Variants in B3GALT1 observed in about 807,000 individuals in gnomAD.
The protein encoded by B3GALT1 is beta-1,3-galactosyltransferase 1.
A neutral mutation model predicts 23.2 loss-of-function variants in B3GALT1; 10 were observed. The ratio of observed to expected loss-of-function variants is 0.43; its 90% confidence interval spans 0.27 to 0.73. The LOEUF (loss-of-function observed/expected upper bound fraction) is 0.73. Among genes scored for constraint, B3GALT1 ranks in the 30% least tolerant of loss-of-function variants. The probability of loss-of-function intolerance (pLI) is 0.21; values close to 1 mark genes in which losing one functional copy is unlikely to be tolerated. For missense variants in B3GALT1, 299 were observed against 405.4 expected (o/e 0.74, Z 2.25); for synonymous variants, 156 against 141.5 (o/e 1.10, Z -0.73).
chr2:167,568,157 G>T (rs1684210653), intron 2 of B3GALT1, among the ~76,000 whole-genome samples: 2 of 152,058 alleles, frequency 1.3e-5, no homozygotes, highest in African/African-American at 4.8e-5. Flanking sequence ...TTGTTTCCAA[G>T]TTTTGGCAAT....
chr2:167,508,095 C>A (rs1441750371), intron 2 of B3GALT1, among the ~76,000 whole-genome samples: 1 of 152,074 alleles, frequency 6.6e-6, no homozygotes. Context: ...AGACTCCACT[C>A]TCAGAACTCT....
At chr2:167,698,972 A>C (rs1026685963) in intron 3 of B3GALT1, among the ~76,000 whole-genome samples, 7 of 152,250 alleles carry the variant, frequency 4.6e-5, no homozygotes, top group Non-Finnish European at 8.8e-5. Flanking sequence ...AGCCACCTTT[A>C]ATGTTCAGAA....
intron 2 of B3GALT1, among the ~76,000 whole-genome samples, chr2:167,617,284 T>C (rs1685177361): frequency 6.6e-6 from 1 of 152,144 alleles, no homozygotes; most frequent in Admixed American, 6.6e-5. Flanking sequence ...TTCCATCTTT[T>C]TATCTGAAAA....
At chr2:167,588,224 C>T (rs1395742809) in intron 2 of B3GALT1, among the ~76,000 whole-genome samples, 6 of 150,340 alleles carry the variant, frequency 4.0e-5, no homozygotes, top group Admixed American at 6.6e-5. Flanking sequence ...AATGCAAATA[C>T]GTATTTAAAT....
chr2:167,867,112 G>C (rs1164678044), intron 4 of B3GALT1, among the ~76,000 whole-genome samples: 10 of 152,242 alleles, frequency 6.6e-5, no homozygotes, highest in Admixed American at 3.3e-4. Context: ...ATTTTTAGTA[G>C]AGACGGGGTT....
chr2:167,656,355 A>G (rs185496960), intron 3 of B3GALT1, among the ~76,000 whole-genome samples: 7 of 152,318 alleles, frequency 4.6e-5, no homozygotes, highest in African/African-American at 1.7e-4. Context: ...CAAAGAGCAA[A>G]AACAAGCAAA....
chr2:167,852,318 C>T (rs1331600299), intron 4 of B3GALT1, among the ~76,000 whole-genome samples: 3 of 152,092 alleles, frequency 2.0e-5, no homozygotes, highest in Non-Finnish European at 4.4e-5. Flanking sequence ...AATGACCTAC[C>T]ACAACAGCAA....
At chr2:167,367,116 A>C (rs1697600159) in intron 1 of B3GALT1, among the ~76,000 whole-genome samples, 1 of 152,216 alleles carries the variant, frequency 6.6e-6, no homozygotes, top group Non-Finnish European at 1.5e-5. Flanking sequence ...TGAGTTTAGA[A>C]TATTCTGATC....
chr2:167,373,470 C>A (rs1486607255), intron 1 of B3GALT1, among the ~76,000 whole-genome samples: 1 of 151,468 alleles, frequency 6.6e-6, no homozygotes, highest in Non-Finnish European at 1.5e-5. Flanking sequence ...AGTCTAAAGA[C>A]TCAATACATA....
At chr2:167,596,702 A>G (rs1463491951) in intron 2 of B3GALT1, among the ~76,000 whole-genome samples, 1 of 152,216 alleles carries the variant, frequency 6.6e-6, no homozygotes, top group Non-Finnish European at 1.5e-5. Context: ...ATACCCTTAA[A>G]TAATAAAGCA....
intron 3 of B3GALT1, among the ~76,000 whole-genome samples, chr2:167,672,114 C>T (rs1394686153): frequency 6.6e-6 from 1 of 152,024 alleles, no homozygotes; most frequent in Non-Finnish European, 1.5e-5. Flanking sequence ...ATATTCCAAA[C>T]TAAATAATGT....
chr2:167,391,082 G>A (rs1388801625), intron 1 of B3GALT1, among the ~76,000 whole-genome samples: 3 of 152,334 alleles, frequency 2.0e-5, no homozygotes, highest in African/African-American at 7.2e-5. Flanking sequence ...AATGTGGAAA[G>A]TATGTGAAGG....
At chr2:167,461,944 G>T (rs939942598) in intron 1 of B3GALT1, among the ~76,000 whole-genome samples, 1 of 152,094 alleles carries the variant, frequency 6.6e-6, no homozygotes, top group Admixed American at 6.5e-5. Flanking sequence ...ACAACTATTT[G>T]TGTGGGGGCA....
intron 1 of B3GALT1, among the ~76,000 whole-genome samples, chr2:167,454,196 A>AGTGTGTGTGTGTGTGTGTGT (rs35747652): frequency 1.0e-3 from 152 of 152,054 alleles, no homozygotes; most frequent in African/African-American, 3.5e-3. Context: ...ATAACAGGAA[A>AGTGTGTGTGTGTGTGTGTGT]GTGTGTGTGT....
chr2:167,474,959 C>A (rs937161589), intron 1 of B3GALT1, among the ~76,000 whole-genome samples: 7 of 152,034 alleles, frequency 4.6e-5, no homozygotes, highest in African/African-American at 1.7e-4. Flanking sequence ...AATAAATATA[C>A]CTGCTATGCA....
chr2:167,429,294 A>T (rs1290851622), intron 1 of B3GALT1, among the ~76,000 whole-genome samples: 23 of 151,364 alleles, frequency 1.5e-4, no homozygotes, highest in African/African-American at 5.4e-4. Flanking sequence ...AAAAAAAAAA[A>T]AAAAAATAAG....
chr2:167,747,335 A>G (rs572672708), intron 3 of B3GALT1, among the ~76,000 whole-genome samples: 39 of 152,306 alleles, frequency 2.6e-4, no homozygotes, highest in Middle Eastern at 3.4e-3. Context: ...TCAAAATGCA[A>G]ATCCCTCAGG....
chr2:167,419,988 A>G (rs1294718086), intron 1 of B3GALT1, among the ~76,000 whole-genome samples: 2 of 152,226 alleles, frequency 1.3e-5, no homozygotes, highest in African/African-American at 2.4e-5. Context: ...TATTTAAAAC[A>G]TAATTAAATA....
intron 2 of B3GALT1, among the ~76,000 whole-genome samples, chr2:167,516,643 A>G (rs1258411852): frequency 3.3e-5 from 5 of 152,050 alleles, no homozygotes; most frequent in African/African-American, 9.6e-5. Context: ...ATGAGTTAAT[A>G]TAGGTTAAGA....
Sources: allele counts gnomAD v4.1 joint callset (sites outside exome capture counted in the v4.1 genomes callset), GRCh38; gene constraint gnomAD v4.1.1; transcripts MANE v1.5; gene names NCBI Gene and HGNC (gene_info 2026-07-23, HGNC 2026-07-21).